Variants in NLGN3 observed in about 807,000 individuals in gnomAD.
The protein encoded by NLGN3 is neuroligin-3.
NLGN3 carries 11 observed loss-of-function variants against 42.9 expected under a neutral mutation model. The ratio of observed to expected loss-of-function variants is 0.26; its 90% confidence interval spans 0.16 to 0.42. The LOEUF (loss-of-function observed/expected upper bound fraction) is 0.42. Among genes scored for constraint, NLGN3 ranks in the 10% least tolerant of loss-of-function variants. NLGN3 has a pLI of 1.00. For synonymous variants in NLGN3, 279 were observed against 312.7 expected, an observed-to-expected ratio of 0.89 and a Z score of 1.14; for missense variants, 374 against 733.8, an observed-to-expected ratio of 0.51 and a Z score of 5.67.
At chrX:71,153,052 C>T (rs1423877823) in intron 3 of NLGN3, among the ~76,000 whole-genome samples, 1 of 111,993 alleles carries the variant, frequency 8.9e-6, no homozygotes, top group African/African-American at 3.2e-5. Flanking sequence ...GGCAGTGTCA[C>T]CCCTCACCCT....
intron 6 of NLGN3, among the ~76,000 whole-genome samples, chrX:71,166,515 T>A (rs1490700753): frequency 9.1e-6 from 1 of 110,152 alleles, no homozygotes; most frequent in East Asian, 2.9e-4. Flanking sequence ...ACAGGTTCCC[T>A]GGAGACTTTC....
chrX:71,156,687 C>T (rs2503131), intron 5 of NLGN3, among the ~76,000 whole-genome samples: 2,783 of 110,364 alleles, frequency 0.025, 39 homozygotes, highest in Middle Eastern at 0.046. Context: ...ACCGCATCCC[C>T]CAAGTCTCCC....
At position 71,169,311 on chromosome X, in the gene NLGN3, C is replaced by G; in HGVS notation, c.1761C>G (p.Arg587=). 1 of 1,210,742 alleles carries G rather than the reference C, an allele frequency of 8.3e-7. No individual in the cohort carries two copies. The highest frequency in any genetic ancestry group is 1.1e-6 in the Non-Finnish European group (1 of 894,969). ...AGTTCATTCACACCAAGGCCAACCG[C>G]TTTGAGGAAGTGGCCTGGTCCAAAT... is the stretch of plus-strand genomic sequence containing the variant. ...DTKFIHTKAN[R]FEEVAWSKYN... The change falls in exon 8 of 8, where the codon CGC becomes CGG. Residue 587 remains arginine (R), a synonymous_variant. Coordinates refer to ENST00000358741, the MANE Select transcript of NLGN3 (RefSeq NM_181303.2).
chrX:71,156,216 C>T (rs1317481013), intron 5 of NLGN3, among the ~76,000 whole-genome samples: 2 of 108,989 alleles, frequency 1.8e-5, no homozygotes, highest in African/African-American at 6.7e-5. Context: ...ATTCCTTCCA[C>T]CCACCCCCCA....
Position 71,170,419 on chromosome X carries a change from G to C in NLGN3, c.*322G>C, listed in dbSNP as rs930588200. 1.0e-6 allele frequency: 1 copy of C among 953,488 alleles called. No individual in the cohort carries two copies. The highest frequency in any genetic ancestry group is 2.0e-5 in the African/African-American group (1 of 49,567). The allele number at this position is 953,488 out of a possible 1,213,427, so 78.6% of individuals were successfully genotyped here. A position where few individuals can be genotyped will look rare whatever the true frequency, so the allele number is the denominator to read the frequency against. On this transcript the variant is annotated 3_prime_UTR_variant, in exon 8 of 8. Coordinates refer to ENST00000358741, the MANE Select transcript of NLGN3 (RefSeq NM_181303.2). ...ATCTGACCACAGACACTCCTGGGGG[G>C]CCTGAAAGCAACAGCTGGACACCCC...
At position 71,155,471 on chromosome X, in the gene NLGN3, A is replaced by G. The variant is rs770368187; in HGVS notation, c.727+108A>G. On this transcript the variant is annotated intron_variant, in intron 5 of 7. Coordinates refer to ENST00000358741, the MANE Select transcript of NLGN3 (RefSeq NM_181303.2). ...TAGCCTTGCTTCTCTAGCTGGTGCT[A>G]ATAACCACAGTCAAAATGGTGTTAT... The G allele has an allele frequency of 3.2e-4, 313 of 988,571 alleles. 1 individual carries two copies. The highest frequency in any genetic ancestry group is 8.0e-4 in the South Asian group (41 of 51,487). The allele number at this position is 988,571 out of a possible 1,213,427, so 81.5% of individuals were successfully genotyped here.
At position 71,148,140 on chromosome X, in the gene NLGN3, G is replaced by A. The variant is rs779160000; in HGVS notation, c.391G>A (p.Ala131Thr). ...GTTCACTGCCAACTTGGATATCGTC[G>A]CTACTTACATCCAGGAGCCCAACGA... ...VWFTANLDIV[A>T]TYIQEPNEDC... The change falls in exon 2 of 8, where the codon GCT (alanine) becomes ACT (threonine). Residue 131 changes from alanine (A) to threonine (T), a missense_variant. Physicochemically the swap from Ala to Thr is moderately conservative, Grantham distance 58. Around this residue, in one of 6 missense-constraint regions of NLGN3, gnomAD observed 109 missense variants for 173.3 expected, o/e 0.63. Coordinates refer to ENST00000358741, the MANE Select transcript of NLGN3 (RefSeq NM_181303.2). 8.3e-7 allele frequency: 1 copy of A among 1,210,964 alleles called. No individual in the cohort carries two copies. Among genetic ancestry groups the A allele is most frequent in the Non-Finnish European group, 1.1e-6 (1 of 895,197 alleles).
chrX:71,160,157 G>A (rs1317175135), intron 5 of NLGN3, among the ~76,000 whole-genome samples: 7 of 107,049 alleles, frequency 6.5e-5, no homozygotes, highest in Non-Finnish European at 9.6e-5. Flanking sequence ...CAGCTTTCCT[G>A]AGCACTGAAC....
At chrX:71,157,565 C>A (rs1027932550) in intron 5 of NLGN3, among the ~76,000 whole-genome samples, 1 of 110,743 alleles carries the variant, frequency 9.0e-6, no homozygotes, top group Non-Finnish European at 1.9e-5. Flanking sequence ...CTTAGGTGAT[C>A]TGCCTGCCTC....
intron 3 of NLGN3, among the ~76,000 whole-genome samples, chrX:71,150,219 G>A (rs760582033): frequency 2.1e-4 from 23 of 111,677 alleles, no homozygotes; most frequent in African/African-American, 7.5e-4. Context: ...GCATCATGGT[G>A]CTGCAGAAAG....
Position 71,147,745 on chromosome X carries a change from G to C in NLGN3, c.-5G>C. On this transcript the variant is annotated 5_prime_UTR_variant, in exon 2 of 8. Coordinates refer to ENST00000358741, the MANE Select transcript of NLGN3 (RefSeq NM_181303.2). Reference sequence around the variant, plus strand: ...GCCTCTCCTGCCAGTCCCCCTGCCCGGAACATGTGGCTGCGGCTTGGCCCG... The same window carrying C: ...GCCTCTCCTGCCAGTCCCCCTGCCCCGAACATGTGGCTGCGGCTTGGCCCG... 1 of 1,205,006 alleles carries C rather than the reference G, an allele frequency of 8.3e-7. No individual in the cohort carries two copies. Among genetic ancestry groups the C allele is most frequent in the Non-Finnish European group, 1.1e-6 (1 of 892,475 alleles).
At chrX:71,158,560 A>G (rs1290208363) in intron 5 of NLGN3, among the ~76,000 whole-genome samples, 6 of 112,463 alleles carry the variant, frequency 5.3e-5, no homozygotes, top group African/African-American at 1.6e-4. Flanking sequence ...GCTCCATTCT[A>G]TAAGGTTTAT....
intron 3 of NLGN3, among the ~76,000 whole-genome samples, chrX:71,151,993 G>C (rs1394239345): frequency 8.9e-6 from 1 of 112,175 alleles, no homozygotes; most frequent in Non-Finnish European, 1.9e-5. Flanking sequence ...TTCTCCCCTA[G>C]AGCTGTGCTC....
Position 71,170,278 on chromosome X carries a change from C to T in NLGN3, c.*181C>T, listed in dbSNP as rs1569486148. 2.7e-6 allele frequency: 3 copies of T among 1,120,975 alleles called. No homozygotes were observed. The highest frequency in any genetic ancestry group is 2.3e-6 in the Non-Finnish European group (2 of 853,848). 92.4% of individuals were successfully genotyped at this position (1,120,975 alleles called of 1,213,427 possible). Reference sequence around the variant, plus strand: ...ATAGACAGATGTGGACATGCACCCGCATGTACAAAAACACAAATACGGAAG... The same window carrying T: ...ATAGACAGATGTGGACATGCACCCGTATGTACAAAAACACAAATACGGAAG... On this transcript the variant is annotated 3_prime_UTR_variant, in exon 8 of 8. Transcript: ENST00000358741.
Position 71,170,299 on chromosome X carries a change from G to T in NLGN3, c.*202G>T. On this transcript the variant is annotated 3_prime_UTR_variant, in exon 8 of 8. Transcript: ENST00000358741. ...CCCGCATGTACAAAAACACAAATAC[G>T]GAAGTAAACCTGAACAAACCCTTTA... The T allele has an allele frequency of 9.0e-7, 1 of 1,106,657 alleles. No homozygotes were observed. Among genetic ancestry groups the T allele is most frequent in the East Asian group, 3.4e-5 (1 of 29,563 alleles). The allele number at this position is 1,106,657 out of a possible 1,213,427, so 91.2% of individuals were successfully genotyped here.
At chrX:71,149,041 C>T (rs1321008452) in intron 3 of NLGN3, 136 bp downstream of exon 3, 1 of 376,682 alleles carries the variant, frequency 2.7e-6, no homozygotes, top group Non-Finnish European at 4.6e-6. Context: ...AGCGCCACCT[C>T]ATCTGAGGGC....
chrX:71,169,345 C>A lies in NLGN3; in HGVS notation c.1795C>A (p.Arg599=). 8.3e-7 allele frequency: 1 copy of A among 1,207,204 alleles called. No homozygotes were observed. The highest frequency in any genetic ancestry group is 1.1e-6 in the Non-Finnish European group (1 of 892,933). ...AGTGGCCTGGTCCAAATACAATCCCCGAGACCAGCTCTACCTTCACATCGG... is the reference window on the plus strand; with the variant it reads ...AGTGGCCTGGTCCAAATACAATCCCAGAGACCAGCTCTACCTTCACATCGG... ...EEVAWSKYNP[R]DQLYLHIGLK... Residue 599 remains arginine (R), a synonymous_variant, in exon 8 of 8, where the codon CGA becomes AGA. Coordinates refer to ENST00000358741, the MANE Select transcript of NLGN3 (RefSeq NM_181303.2).
chrX:71,154,289 CG>C (rs1436595631), intron 4 of NLGN3, among the ~76,000 whole-genome samples: 3 of 113,323 alleles, frequency 2.6e-5, no homozygotes, highest in Non-Finnish European at 5.6e-5. Context: ...CCCTCTGCCC[CG>C]AAGGGGCCAG....
intron 2 of NLGN3, 65 bp from the exon 3 acceptor site, chrX:71,148,774 CTGGGGGG>C: frequency 1.1e-6 from 1 of 947,372 alleles, no homozygotes; most frequent in Non-Finnish European, 1.4e-6. Context: ...CTCTTGGGGC[CTGGGGGG>C]TGGGGGGTGC....
Sources: gnomAD v4.1 joint callset for allele counts (sites outside exome capture counted in the v4.1 genomes callset) on GRCh38, gnomAD v4.1.1 for gene constraint, gnomAD v4.1.1 regional missense constraint, MANE v1.5 for transcripts, NCBI Gene and HGNC (gene_info 2026-07-23, HGNC 2026-07-21) for gene names.